Variants in TXNDC11 observed in about 807,000 individuals in gnomAD.
TXNDC11 encodes the protein thioredoxin domain containing 11.
In TXNDC11, 68 loss-of-function variants were observed where a neutral mutation model predicts 78.0. That is an observed-to-expected ratio of 0.87 (90% CI 0.72 to 1.07). The LOEUF is 1.07. TXNDC11 is among the 50% of genes least tolerant of loss of function. The pLI is 0.00. For synonymous variants in TXNDC11, 571 were observed against 495.2 expected, an observed-to-expected ratio of 1.15 and a Z score of -2.03; for missense variants, 1,389 against 1,221.8, an observed-to-expected ratio of 1.14 and a Z score of -2.04.
intron 2 of TXNDC11, among the ~76,000 whole-genome samples, chr16:11,734,813 C>T (rs896575554): frequency 4.6e-5 from 7 of 152,210 alleles, no homozygotes; most frequent in South Asian, 2.1e-4. Flanking sequence ...TGCCTACACA[C>T]GTTACTTCAC....
At chr16:11,716,127 CT>C (rs2051519841) in intron 5 of TXNDC11, among the ~76,000 whole-genome samples, 1 of 152,180 alleles carries the variant, frequency 6.6e-6, no homozygotes, top group Non-Finnish European at 1.5e-5. Flanking sequence ...GTTTACAGAC[CT>C]CACCAGGAGC....
chr16:11,717,434 G>GAAAA (rs58884197), intron 5 of TXNDC11, among the ~76,000 whole-genome samples: 45 of 62,330 alleles, frequency 7.2e-4, no homozygotes, highest in African/African-American at 9.5e-4. Context: ...GACTCCAAAT[G>GAAAA]AAAAAAAAAA....
In TXNDC11 at chr16:11,742,471, C is replaced by T; in HGVS notation, c.254+6G>A. Reference sequence around the variant, plus strand: ...TAGCGGGGCCCCAGGGTCCGGGCCGCCTCACCTGCAGGTGAACTTGAGGGC... The same window carrying T: ...TAGCGGGGCCCCAGGGTCCGGGCCGTCTCACCTGCAGGTGAACTTGAGGGC... On this transcript the variant is annotated splice_donor_region_variant and intron_variant, in intron 1 of 11. Coordinates refer to ENST00000283033, the MANE Select transcript of TXNDC11 (RefSeq NM_015914.7). 7.0e-7 allele frequency: 1 copy of T among 1,429,166 alleles called. No homozygotes were observed. Among genetic ancestry groups the T allele is most frequent in the Non-Finnish European group, 9.1e-7 (1 of 1,098,328 alleles). 88.5% of individuals were successfully genotyped at this position (1,429,166 alleles called of 1,614,324 possible). A position where few individuals can be genotyped will look rare whatever the true frequency, so the allele number is the denominator to read the frequency against.
rs767840739 is a variant in TXNDC11, at chr16:11,730,771, A to C, written c.573T>G (p.Phe191Leu). ...FPVIYLYHRS[F>L]GPIEYKGPMS... ...TGGGGCCTTTGTATTCGATTGGTCC[A>C]AAACTAGTACCAAAAAATAAAAATA... The change falls in exon 4 of 12, where the codon TTT becomes TTG. Residue 191 changes from phenylalanine to leucine, a missense_variant. Physicochemically the swap from Phe to Leu is conservative, Grantham distance 22 (BLOSUM62 0). Coordinates refer to ENST00000283033, the MANE Select transcript of TXNDC11 (RefSeq NM_015914.7). 1 of 1,569,882 alleles carries C rather than the reference A, an allele frequency of 6.4e-7. No homozygotes were observed. The highest frequency in any genetic ancestry group is 1.3e-5 in the South Asian group (1 of 79,994).
intron 5 of TXNDC11, among the ~76,000 whole-genome samples, chr16:11,714,047 T>TTA (rs1567328482): frequency 2.4e-5 from 1 of 41,304 alleles, no homozygotes; most frequent in Non-Finnish European, 6.0e-5. Context: ...ATCCTTCAGA[T>TTA]TTTTTTTTTT....
chr16:11,735,863 C>A (rs181594076), intron 2 of TXNDC11, among the ~76,000 whole-genome samples, 154 bp downstream of exon 2: 13 of 152,342 alleles, frequency 8.5e-5, no homozygotes, highest in Non-Finnish European at 1.8e-4. Flanking sequence ...GAAATCCTTT[C>A]TGTTGCTTTA....
intron 2 of TXNDC11, among the ~76,000 whole-genome samples, chr16:11,735,394 C>T (rs184243034): frequency 2.0e-5 from 3 of 152,182 alleles, no homozygotes; most frequent in Admixed American, 2.0e-4. Flanking sequence ...TGTTACAATC[C>T]GTGCATTAGA....
chr16:11,741,416 C>G (rs544909224), intron 1 of TXNDC11, among the ~76,000 whole-genome samples: 1 of 152,268 alleles, frequency 6.6e-6, no homozygotes, highest in African/African-American at 2.4e-5. Flanking sequence ...GTTCCTACCC[C>G]CTACACCCCA....
At chr16:11,741,042 A>G (rs75863114) in intron 1 of TXNDC11, among the ~76,000 whole-genome samples, 10,290 of 152,222 alleles carry the variant, frequency 0.068, 485 homozygotes, top group South Asian at 0.18. Flanking sequence ...GACATCCTAC[A>G]GTAGTCAGGG....
At chr16:11,724,744 A>G (rs1324661700) in intron 4 of TXNDC11, among the ~76,000 whole-genome samples, 1 of 152,022 alleles carries the variant, frequency 6.6e-6, no homozygotes, top group Non-Finnish European at 1.5e-5. Flanking sequence ...AGTAAGTAGA[A>G]TTTCTTTTTC....
chr16:11,741,747 G>C (rs940179840), intron 1 of TXNDC11, among the ~76,000 whole-genome samples: 14 of 152,194 alleles, frequency 9.2e-5, no homozygotes, highest in Non-Finnish European at 1.9e-4. Flanking sequence ...ATAATCGTTA[G>C]ATCAGGCCGG....
At chr16:11,702,495 C>G (rs570906631) in intron 5 of TXNDC11, among the ~76,000 whole-genome samples, 7 of 152,196 alleles carry the variant, frequency 4.6e-5, no homozygotes, top group South Asian at 2.1e-4. Context: ...TGGTGAAACC[C>G]TGTCTCTACT....
In TXNDC11 at chr16:11,691,724, C is replaced by T. The variant is rs139182709; in HGVS notation, c.1466G>A (p.Ser489Asn). Residue 489 changes from serine to asparagine, a missense_variant, in exon 8 of 12, where the codon AGC (serine) becomes AAC (asparagine). Physicochemically the swap from Ser to Asn is conservative, Grantham distance 46 (BLOSUM62 1). Coordinates refer to ENST00000283033, the MANE Select transcript of TXNDC11 (RefSeq NM_015914.7). Reference sequence around the variant, plus strand: ...AGTTAAAAAATTGCTGCATTCTATGCTGTCTGATGCCACATGATAAAAGGT... The same window carrying T: ...AGTTAAAAAATTGCTGCATTCTATGTTGTCTGATGCCACATGATAAAAGGT... ...EQTFYHVASD[S>N]IECSNFLTSY... is the part of the protein sequence containing the mutation. The T allele has an allele frequency of 1.9e-6, 3 of 1,614,202 alleles. No homozygotes were observed. Among genetic ancestry groups the T allele is most frequent in the East Asian group, 2.2e-5 (1 of 44,894 alleles).
chr16:11,697,233 G>A (rs115670289), intron 7 of TXNDC11, among the ~76,000 whole-genome samples: 196 of 152,262 alleles, frequency 1.3e-3, no homozygotes, highest in African/African-American at 4.5e-3. Context: ...CACAGCAAAG[G>A]GAGGGATCCA....
Position 11,733,583 on chromosome 16 carries a change from A to G in TXNDC11, c.569+399T>C, listed in dbSNP as rs554014234. Among the ~76,000 whole-genome samples the G allele has an allele frequency of 2.0e-5, 3 of 152,352 alleles. No individual in the cohort carries two copies. In the East Asian group the frequency reaches 5.8e-4, roughly 29 times the overall value. ...GTGTACTTGTAGTAATTTTCTTCCCAATAGAATAGATGGTAAGATACACTC... is the reference window on the plus strand; with the variant it reads ...GTGTACTTGTAGTAATTTTCTTCCCGATAGAATAGATGGTAAGATACACTC... On this transcript the variant is annotated intron_variant, in intron 3 of 11. Transcript: ENST00000283033.
chr16:11,737,678 A>G (rs998510073), intron 1 of TXNDC11, among the ~76,000 whole-genome samples: 4 of 151,836 alleles, frequency 2.6e-5, no homozygotes, highest in Non-Finnish European at 4.4e-5. Flanking sequence ...CCTAGCTAAC[A>G]TGGTGAAACC....
chr16:11,714,632 T>G (rs2051473428), intron 5 of TXNDC11, among the ~76,000 whole-genome samples: 1 of 147,958 alleles, frequency 6.8e-6, no homozygotes. Flanking sequence ...AAAGCAAGAC[T>G]CCGTCTCAAA....
At chr16:11,729,988 G>A (rs2141109743) in intron 4 of TXNDC11, among the ~76,000 whole-genome samples, 1 of 152,174 alleles carries the variant, frequency 6.6e-6, no homozygotes, top group Middle Eastern at 3.4e-3. Context: ...CAACTACTTG[G>A]GTGGCTGAGG....
chr16:11,733,988 T>A lies in TXNDC11; in HGVS notation c.563A>T (p.His188Leu), dbSNP rs2052138092. Residue 188 changes from histidine (H) to leucine (L), a missense_variant, in exon 3 of 12, where the codon CAT becomes CTT. Physicochemically the swap from His to Leu is moderately conservative, Grantham distance 99. Transcript: ENST00000283033. ...FFYFPVIYLY[H>L]RSFGPIEYKG... ...CTATTTAAAAAGTTCTTACCTCCGA[T>A]GATACAGATATATTACAGGAAAATA... is the stretch of plus-strand genomic sequence containing the variant. 1 of 1,604,672 alleles carries A rather than the reference T, an allele frequency of 6.2e-7. No homozygotes were observed. Among genetic ancestry groups the A allele is most frequent in the South Asian group, 1.1e-5 (1 of 88,674 alleles).
Sources: allele counts gnomAD v4.1 joint callset (sites outside exome capture counted in the v4.1 genomes callset), GRCh38; gene constraint gnomAD v4.1.1; transcripts MANE v1.5; gene names NCBI Gene and HGNC (gene_info 2026-07-23, HGNC 2026-07-21).